NFKB1: variants seen among roughly 807,000 people sequenced by gnomAD.
NFKB1 encodes the protein nuclear factor kappa B subunit 1, also known as nuclear factor NF-kappa-B p105 subunit.
NFKB1 carries 9 observed loss-of-function variants against 105.1 expected under a neutral mutation model. The observed-to-expected ratio is 0.09, with a 90% CI of 0.05 to 0.15. The LOEUF is 0.15. NFKB1 is among the 10% of genes least tolerant of loss of function. The pLI, the probability that NFKB1 is intolerant of heterozygous loss-of-function variation, is 1.00. For synonymous variants in NFKB1, 440 were observed against 442.2 expected (o/e 1.00, Z 0.06); for missense variants, 830 against 1,203.7 (o/e 0.69, Z 4.59).
chr4:102,550,820 A>G (rs1394208720), intron 5 of NFKB1, among the ~76,000 whole-genome samples: 2 of 152,188 alleles, frequency 1.3e-5, no homozygotes, highest in African/African-American at 4.8e-5. Context: ...CCATTGAGCT[A>G]TAGAGTTAAG....
rs543812900 is a variant in NFKB1, at chr4:102,545,609, T to C, written c.258+7653T>C. ...TTAACCATTGTGGAATACCATTCAT[T>C]ATCATAATGTTAAGGATCTGTTTCT... On this transcript the variant is annotated intron_variant, in intron 5 of 23. Transcript: ENST00000226574. Among the ~76,000 whole-genome samples, 4 of 152,254 alleles carry C rather than the reference T, an allele frequency of 2.6e-5. No homozygotes were observed. In the East Asian group the frequency reaches 7.7e-4, roughly 29 times the overall value.
chr4:102,616,528 A>G lies in NFKB1; in HGVS notation c.2844A>G (p.Ser948=). 3 of 1,614,110 alleles carry G rather than the reference A, an allele frequency of 1.9e-6. No homozygotes were observed. Among genetic ancestry groups the G allele is most frequent in the Non-Finnish European group, 2.5e-6 (3 of 1,180,016 alleles). Residue 948 remains serine (S), a synonymous_variant, in exon 24 of 24, where the codon TCA becomes TCG. Coordinates refer to ENST00000226574, the MANE Select transcript of NFKB1 (RefSeq NM_003998.4). The stretch of plus-strand genomic sequence containing the variant: ...CCGAGTCTCTGACCAGTGGTGCCTC[A>G]CTGCTAACTCTCAACAAAATGCCCC... ...SFTESLTSGA[S]LLTLNKMPHD...
intron 5 of NFKB1, among the ~76,000 whole-genome samples, chr4:102,553,458 C>T (rs1216612038): frequency 6.6e-6 from 1 of 152,054 alleles, no homozygotes; most frequent in African/African-American, 2.4e-5. Context: ...ACTTTAAAAT[C>T]ATTTTAAAAG....
At chr4:102,523,439 C>T (rs1163591772) in intron 1 of NFKB1, among the ~76,000 whole-genome samples, 1 of 152,176 alleles carries the variant, frequency 6.6e-6, no homozygotes, top group Non-Finnish European at 1.5e-5. Context: ...TCTCACTCTT[C>T]CTCACTCACA....
In NFKB1 at chr4:102,606,496, A is replaced by G; in HGVS notation, c.1753A>G (p.Thr585Ala). 1 of 1,613,826 alleles carries G rather than the reference A, an allele frequency of 6.2e-7. No homozygotes were observed. The highest frequency in any genetic ancestry group is 1.3e-5 in the African/African-American group (1 of 75,006). ...AATCTCCTGCCCTTTCACTTTCCAG[A>G]CGCCCTTGCACTTGGCAGTGATCAC... is the stretch of plus-strand genomic sequence containing the variant. ...IINMRNDLYQ[T>A]PLHLAVITKQ... The change falls in exon 17 of 24, where the codon ACG (threonine) becomes GCG (alanine). Residue 585 changes from threonine to alanine, a missense_variant and splice_region_variant. By Grantham distance (58) the Thr-to-Ala change is moderately conservative. Coordinates refer to ENST00000226574, the MANE Select transcript of NFKB1 (RefSeq NM_003998.4).
At chr4:102,588,493 T>C (rs569427317) in intron 11 of NFKB1, among the ~76,000 whole-genome samples, 1 of 152,050 alleles carries the variant, frequency 6.6e-6, no homozygotes, top group Non-Finnish European at 1.5e-5. Flanking sequence ...TTTTTCAGTC[T>C]GAAAGATGGA....
At chr4:102,615,481 G>A (rs552291158) in intron 23 of NFKB1, among the ~76,000 whole-genome samples, 1 of 152,174 alleles carries the variant, frequency 6.6e-6, no homozygotes, top group Non-Finnish European at 1.5e-5. Context: ...AAGGGCAGAC[G>A]TCATTGTCCG....
chr4:102,502,025 G>A (rs1739070013), intron 1 of NFKB1: 3 of 152,366 alleles, frequency 2.0e-5, no homozygotes, highest in Non-Finnish European at 4.4e-5. Context: ...GCGGCCGCCC[G>A]GCGGTCATTT....
chr4:102,525,502 T>C lies in NFKB1; in HGVS notation c.-7-10T>C, dbSNP rs760415333. The C allele has an allele frequency of 1.2e-6, 2 of 1,613,084 alleles. No individual in the cohort carries two copies. Among genetic ancestry groups the C allele is most frequent in the Admixed American group, 1.7e-5 (1 of 59,892 alleles). On this transcript the variant is annotated splice_polypyrimidine_tract_variant and intron_variant, in intron 1 of 23. Coordinates refer to ENST00000226574, the MANE Select transcript of NFKB1 (RefSeq NM_003998.4). ...GTTACAGTTTTGTTTTGTTTTGTTT[T>C]AATACACAGCTTCAGAATGGCAGAA...
intron 19 of NFKB1, among the ~76,000 whole-genome samples, chr4:102,608,329 A>C (rs2149223500): frequency 6.6e-6 from 1 of 152,314 alleles, no homozygotes; most frequent in East Asian, 1.9e-4. Context: ...CCTTGTGACA[A>C]ATACCATTAT....
At chr4:102,504,510 G>C (rs1480689309) in intron 1 of NFKB1, among the ~76,000 whole-genome samples, 1 of 152,126 alleles carries the variant, frequency 6.6e-6, no homozygotes, top group Admixed American at 6.5e-5. Flanking sequence ...AGAAGAGAAG[G>C]AGAAGGAAAA....
chr4:102,565,221 C>G (rs533830576), intron 5 of NFKB1, among the ~76,000 whole-genome samples: 66 of 152,054 alleles, frequency 4.3e-4, no homozygotes, highest in African/African-American at 1.4e-3. Flanking sequence ...AATTAGCAAC[C>G]CTCTTCGTGA....
intron 15 of NFKB1, among the ~76,000 whole-genome samples, chr4:102,600,191 G>T (rs1348737011): frequency 1.3e-5 from 2 of 152,180 alleles, no homozygotes; most frequent in African/African-American, 4.8e-5. Context: ...TGTCAGGTTT[G>T]AACTGGAATA....
At chr4:102,543,932 G>A (rs1252713703) in intron 5 of NFKB1, among the ~76,000 whole-genome samples, 2 of 152,078 alleles carry the variant, frequency 1.3e-5, no homozygotes, top group Admixed American at 1.3e-4. Flanking sequence ...GCTGTTCACT[G>A]CGCAAGTATT....
At chr4:102,598,562 G>A (rs1340875193) in intron 15 of NFKB1, among the ~76,000 whole-genome samples, 1 of 152,134 alleles carries the variant, frequency 6.6e-6, no homozygotes, top group Non-Finnish European at 1.5e-5. Flanking sequence ...CGTAACCAAG[G>A]ATGTGGTATA....
At chr4:102,612,162 C>A in intron 21 of NFKB1, 52 bp downstream of exon 21, 2 of 1,486,414 alleles carry the variant, frequency 1.3e-6, no homozygotes, top group South Asian at 2.3e-5. Context: ...TCCACACTGT[C>A]ATTTAAAGGG....
chr4:102,566,695 G>GCATC (rs1215127143), intron 5 of NFKB1, among the ~76,000 whole-genome samples: 2 of 152,116 alleles, frequency 1.3e-5, no homozygotes, highest in Non-Finnish European at 1.5e-5. Context: ...TGACAACACA[G>GCATC]CATCCTCTAA....
intron 1 of NFKB1, among the ~76,000 whole-genome samples, chr4:102,508,566 G>A (rs1307056252): frequency 6.6e-6 from 1 of 152,016 alleles, no homozygotes; most frequent in African/African-American, 2.4e-5. Context: ...TTCAAACCAA[G>A]CAAAAAACCT....
intron 5 of NFKB1, among the ~76,000 whole-genome samples, chr4:102,565,881 G>T (rs1723827154): frequency 6.6e-6 from 1 of 152,158 alleles, no homozygotes; most frequent in Admixed American, 6.5e-5. Context: ...AGGAGATAGG[G>T]TGACCAACTA....
Sources: gnomAD v4.1 joint callset for allele counts (sites outside exome capture counted in the v4.1 genomes callset) on GRCh38, gnomAD v4.1.1 for gene constraint, MANE v1.5 for transcripts, NCBI Gene and HGNC (gene_info 2026-07-23, HGNC 2026-07-21) for gene names.